ASIC2: variants seen among roughly 807,000 people sequenced by gnomAD.
ASIC2 encodes acid sensing ion channel subunit 2, also known as acid-sensing ion channel 2.
ASIC2 carries 25 observed loss-of-function variants against 57.3 expected under a neutral mutation model. The observed-to-expected ratio is 0.44, with a 90% confidence interval of 0.32 to 0.61. The LOEUF is 0.61. Among genes scored for constraint, ASIC2 ranks in the 20% least tolerant of loss-of-function variants. ASIC2 has a pLI of 0.06. For synonymous variants in ASIC2, 319 were observed against 307.5 expected (o/e 1.04, Z -0.39); for missense variants, 641 against 738.1 (o/e 0.87, Z 1.52).
At chr17:33,350,711 G>GAAAGAAAGAAAGAAAGAAAGAAAGAA (rs1173253562) in intron 1 of ASIC2, among the ~76,000 whole-genome samples, 6 of 151,672 alleles carry the variant, frequency 4.0e-5, no homozygotes, top group African/African-American at 9.7e-5. Flanking sequence ...AAGAAAGAAA[G>GAAAGAAAGAAAGAAAGAAAGAAAGAA]AAATATTTAA....
At chr17:33,608,143 C>T (rs1905274490) in intron 1 of ASIC2, among the ~76,000 whole-genome samples, 1 of 152,168 alleles carries the variant, frequency 6.6e-6, no homozygotes, top group Non-Finnish European at 1.5e-5. Context: ...GCTTGTGTCT[C>T]TCTAAGCAGA....
intron 2 of ASIC2, among the ~76,000 whole-genome samples, chr17:33,092,681 A>T (rs2092162181): frequency 6.6e-6 from 1 of 152,230 alleles, no homozygotes; most frequent in African/African-American, 2.4e-5. Flanking sequence ...CAGGGGCTAG[A>T]AGCCAGGTCT....
rs186732510 is a variant in ASIC2 at position 33,037,035 on chromosome 17, T to C, written c.988-8643A>G. 2.7e-3 allele frequency among the ~76,000 whole-genome samples: 400 copies of C among 150,192 alleles called. 2 individuals carry two copies. The highest frequency in any genetic ancestry group is 6.8e-3 in the Middle Eastern group (2 of 292). On this transcript the variant is annotated intron_variant, in intron 3 of 9. Transcript: ENST00000225823. ...TTAATAACTAGGTGATGTAATAACA[T>C]GTACAACAAACCCCTGTGACATGTT...
At chr17:33,316,339 C>G (rs1395204183) in intron 1 of ASIC2, among the ~76,000 whole-genome samples, 1 of 152,178 alleles carries the variant, frequency 6.6e-6, no homozygotes, top group Non-Finnish European at 1.5e-5. Context: ...TCTCTTCACC[C>G]CAACTCTCTC....
intron 1 of ASIC2, among the ~76,000 whole-genome samples, chr17:33,325,988 T>C (rs1182208929): frequency 1.3e-5 from 2 of 152,176 alleles, no homozygotes; most frequent in Non-Finnish European, 2.9e-5. Flanking sequence ...AATTCTGTTT[T>C]ATCCTACTTA....
At chr17:34,129,748 T>C (rs12947990) in intron 1 of ASIC2, among the ~76,000 whole-genome samples, 49,605 of 152,062 alleles carry the variant, frequency 0.33, 9,011 homozygotes, top group Middle Eastern at 0.45. Flanking sequence ...TATAATGGAA[T>C]ACCTAAAACA....
In ASIC2 at chr17:33,881,440, A is replaced by G. The variant is rs146640230; in HGVS notation, c.555+274538T>C. Among the ~76,000 whole-genome samples, 339 of 152,312 alleles carry G rather than the reference A, an allele frequency of 2.2e-3. 2 individuals are homozygous for G. Among genetic ancestry groups the G allele is most frequent in the African/African-American group, 7.9e-3 (329 of 41,582 alleles). Reference sequence around the variant, plus strand: ...TCAGGATACAAAATCAATGTGCAAAAATCACAAGCATTCTTATACACCAAT... The same window carrying G: ...TCAGGATACAAAATCAATGTGCAAAGATCACAAGCATTCTTATACACCAAT... On this transcript the variant is annotated intron_variant, in intron 1 of 9. Coordinates refer to the ASIC2 transcript ENST00000359872.
Position 33,116,653 on chromosome 17 carries a change from C to T in ASIC2, c.709-4586G>A, listed in dbSNP as rs571274359. On this transcript the variant is annotated intron_variant, in intron 1 of 9. Coordinates refer to ENST00000225823, the MANE Select transcript of ASIC2 (RefSeq NM_183377.2). ...CCAGGAATGGTGGGGGGTGGGGGCTCCTGAGATAAAAATAAGTCCCACAAC... is the reference window on the plus strand; with the variant it reads ...CCAGGAATGGTGGGGGGTGGGGGCTTCTGAGATAAAAATAAGTCCCACAAC... Among the ~76,000 whole-genome samples the T allele has an allele frequency of 1.1e-4, 16 of 152,172 alleles. No individual in the cohort carries two copies. In the South Asian group the frequency reaches 1.9e-3, roughly 18 times the overall value.
rs150956581 is a variant in ASIC2 at position 33,148,410 on chromosome 17, A to G, written c.709-36343T>C. On this transcript the variant is annotated intron_variant, in intron 1 of 9. Transcript: ENST00000225823. ...CAACTTCACATTTAAGGTTTGTTCA[A>G]TCCTACCATGATTCCTTTCACCTAA... Among the ~76,000 whole-genome samples the G allele has an allele frequency of 3.6e-3, 551 of 152,310 alleles. 2 individuals carry two copies. Among genetic ancestry groups the G allele is most frequent in the Middle Eastern group, 6.8e-3 (2 of 294 alleles).
intron 1 of ASIC2, among the ~76,000 whole-genome samples, chr17:33,167,687 G>C (rs566038872): frequency 6.6e-6 from 1 of 152,088 alleles, no homozygotes; most frequent in African/African-American, 2.4e-5. Flanking sequence ...CCAATAGTGC[G>C]ACAGGCTGAC....
intron 1 of ASIC2, among the ~76,000 whole-genome samples, chr17:33,763,477 TC>T (rs1385813937): frequency 6.6e-6 from 1 of 152,176 alleles, no homozygotes; most frequent in Non-Finnish European, 1.5e-5. Flanking sequence ...TTTTCCCTTC[TC>T]CTTGGGCACT....
At chr17:33,034,251 C>A (rs2091899141) in intron 3 of ASIC2, among the ~76,000 whole-genome samples, 1 of 152,172 alleles carries the variant, frequency 6.6e-6, no homozygotes, top group Admixed American at 6.5e-5. Flanking sequence ...AGGATAAGAA[C>A]TCAGGCAAAG....
chr17:33,946,180 T>C (rs1457512433), intron 1 of ASIC2, among the ~76,000 whole-genome samples: 1 of 152,188 alleles, frequency 6.6e-6, no homozygotes, highest in African/African-American at 2.4e-5. Context: ...ATCCTGCACA[T>C]AGACCTGCAT....
At chr17:33,858,330 C>T (rs1914015908) in intron 1 of ASIC2, among the ~76,000 whole-genome samples, 2 of 152,184 alleles carry the variant, frequency 1.3e-5, no homozygotes, top group Admixed American at 1.3e-4. Context: ...TCCCATGATA[C>T]CAAAGCCCTC....
In ASIC2 at chr17:33,847,004, G is replaced by A. The variant is rs540090930; in HGVS notation, c.555+308974C>T. Among the ~76,000 whole-genome samples the A allele has an allele frequency of 1.7e-3, 264 of 152,194 alleles. 1 individual carries two copies. Among genetic ancestry groups the A allele is most frequent in the African/African-American group, 4.8e-3 (200 of 41,520 alleles). ...TCTCAGCTCCTCAGGCTCTCAGCAA[G>A]TTCTTATTCCCACCAGGAGAACTTT... is the stretch of plus-strand genomic sequence containing the variant. On this transcript the variant is annotated intron_variant, in intron 1 of 9. Transcript: ENST00000359872.
At chr17:34,090,576 G>A (rs1910296249) in intron 1 of ASIC2, among the ~76,000 whole-genome samples, 1 of 152,188 alleles carries the variant, frequency 6.6e-6, no homozygotes, top group South Asian at 2.1e-4. Flanking sequence ...TCACAGGTCT[G>A]TCTAGCACAT....
chr17:33,988,645 C>T (rs1236982332), intron 1 of ASIC2, among the ~76,000 whole-genome samples: 5 of 151,894 alleles, frequency 3.3e-5, no homozygotes, highest in Admixed American at 1.3e-4. Flanking sequence ...CTTGCCTTTC[C>T]TCCAGGGGCT....
intron 1 of ASIC2, among the ~76,000 whole-genome samples, chr17:33,182,074 G>T (rs933066444): frequency 3.3e-5 from 5 of 152,204 alleles, no homozygotes; most frequent in African/African-American, 1.2e-4. Context: ...AGTGTGACAA[G>T]TAGGTTGAGA....
intron 1 of ASIC2, among the ~76,000 whole-genome samples, chr17:34,052,488 T>C (rs1241943256): frequency 1.3e-5 from 2 of 152,206 alleles, no homozygotes; most frequent in Admixed American, 6.5e-5. Flanking sequence ...CTGTAGAACA[T>C]GTGACTGGAC....
Sources: gnomAD v4.1 joint callset for allele counts (sites outside exome capture counted in the v4.1 genomes callset) on GRCh38, gnomAD v4.1.1 for gene constraint, MANE v1.5 for transcripts, NCBI Gene and HGNC (gene_info 2026-07-23, HGNC 2026-07-21) for gene names.